Variants in GALNT9 observed in about 807,000 individuals in gnomAD.
The protein encoded by GALNT9 is GalNAc transferase 9.
A neutral mutation model predicts 63.1 loss-of-function variants in GALNT9; 47 were observed. The ratio of observed to expected loss-of-function variants is 0.75; its 90% CI spans 0.59 to 0.95. GALNT9 has a LOEUF of 0.95. Ranked by LOEUF, GALNT9 falls within the 40% of genes least tolerant of loss-of-function variation. The pLI is 0.00. For missense variants in GALNT9, 829 were observed against 874.8 expected (o/e 0.95, Z 0.66); for synonymous variants, 396 against 365.7 (o/e 1.08, Z -0.94).
rs1316947016 is a variant in GALNT9, at chr12:132,315,779, G to A, written c.238+13187C>T. 1.3e-5 allele frequency among the ~76,000 whole-genome samples: 2 copies of A among 152,200 alleles called. No individual in the cohort carries two copies. Among genetic ancestry groups the A allele is most frequent in the African/African-American group, 4.8e-5 (2 of 41,442 alleles). ...CGGCCTTCCACACAGAGCAGAGAGG[G>A]CTGAGCCACCCACTCATACTCCCCA... On this transcript the variant is annotated intron_variant, in intron 1 of 10. Coordinates refer to ENST00000328957, the MANE Select transcript of GALNT9 (RefSeq NM_001122636.2). This position sits in a 1 kb window ranked among gnomAD's most constrained non-coding sequence, Gnocchi z 6.1.
chr12:132,268,570 C>T (rs1256748979), intron 2 of GALNT9, among the ~76,000 whole-genome samples: 1 of 152,204 alleles, frequency 6.6e-6, no homozygotes, highest in Non-Finnish European at 1.5e-5. Context: ...AAATAAAAAA[C>T]CATCTGTTCT....
At position 132,279,345 on chromosome 12, in the gene GALNT9, T is replaced by A. The variant is rs77611298; in HGVS notation, c.419+6905A>T. On this transcript the variant is annotated intron_variant, in intron 2 of 10. Transcript: ENST00000328957. This position sits in a 1 kb window ranked among gnomAD's most constrained non-coding sequence, Gnocchi z 4.1. ...TTTGCTTGCATGGTTGCTGGGACGGTCCAAAGTCCTCAGTGGGGACGGCTG... is the reference window on the plus strand; with the variant it reads ...TTTGCTTGCATGGTTGCTGGGACGGACCAAAGTCCTCAGTGGGGACGGCTG... The A allele has an allele frequency of 0.012, 1,904 of 152,346 alleles. 34 individuals carry two copies. The highest frequency in any genetic ancestry group is 0.097 in the South Asian group (469 of 4,822). 9.4% of individuals were successfully genotyped at this position (152,346 alleles called of 1,614,324 possible).
At position 132,327,005 on chromosome 12, in the gene GALNT9, G is replaced by A. The variant is rs1869064237; in HGVS notation, c.238+1961C>T. Among the ~76,000 whole-genome samples, 1 of 152,184 alleles carries A rather than the reference G, an allele frequency of 6.6e-6. No individual in the cohort carries two copies. The highest frequency in any genetic ancestry group is 2.1e-4 in the South Asian group (1 of 4,816). On this transcript the variant is annotated intron_variant, in intron 1 of 10. Coordinates refer to ENST00000328957, the MANE Select transcript of GALNT9 (RefSeq NM_001122636.2). The surrounding 1 kb of genome is among the most constrained non-coding windows in gnomAD (Gnocchi z 4.3). ...AAAGATTGACTGACTCTTGGGTTTA[G>A]ACACTGTGCCTGGCCTGCTGGTCAC...
chr12:132,293,929 C>A (rs1362338956), intron 1 of GALNT9, among the ~76,000 whole-genome samples: 2 of 152,250 alleles, frequency 1.3e-5, no homozygotes, highest in Non-Finnish European at 2.9e-5. Flanking sequence ...CATCTACAGT[C>A]GGAGCTGGAA....
chr12:132,292,100 G>A (rs1235771768), intron 1 of GALNT9, among the ~76,000 whole-genome samples: 2 of 152,078 alleles, frequency 1.3e-5, no homozygotes, highest in Non-Finnish European at 2.9e-5. Context: ...AGCCATTCCC[G>A]GTGACGGCAC....
chr12:132,306,956 T>G (rs1391746332), intron 1 of GALNT9, among the ~76,000 whole-genome samples: 1 of 152,154 alleles, frequency 6.6e-6, no homozygotes, highest in African/African-American at 2.4e-5. Context: ...GACGGCTGTC[T>G]GGGAGCGTGG....
At chr12:132,302,747 G>C (rs1055112981) in intron 1 of GALNT9, among the ~76,000 whole-genome samples, 8 of 152,370 alleles carry the variant, frequency 5.3e-5, no homozygotes, top group African/African-American at 1.9e-4. Flanking sequence ...AGAAAGGCCA[G>C]GAGGGCAGGA....
chr12:132,250,338 G>A (rs1193632795), intron 5 of GALNT9, among the ~76,000 whole-genome samples: 3 of 152,206 alleles, frequency 2.0e-5, no homozygotes, highest in Non-Finnish European at 2.9e-5. Flanking sequence ...CGGGGAGGGA[G>A]GACAATGCTT....
intron 6 of GALNT9, among the ~76,000 whole-genome samples, chr12:132,233,471 C>T (rs1449054635): frequency 3.5e-5 from 2 of 56,388 alleles, no homozygotes; most frequent in Admixed American, 1.7e-4. Flanking sequence ...GCCACACACT[C>T]GATGGCGTGA....
In GALNT9 at chr12:132,201,395, A is replaced by AGGTCCCATCC. The variant is rs1555233496; in HGVS notation, c.1264-135_1264-134insGGATGGGACC. The AGGTCCCATCC allele has an allele frequency of 4.9e-6, 3 of 609,112 alleles. No individual in the cohort carries two copies. The African/African-American group carries it at 5.6e-5, about 11-fold the overall frequency. 37.7% of individuals were successfully genotyped at this position (609,112 alleles called of 1,614,324 possible). ...CCTCCCCCCCAGTATTCAGATGCTG[A>AGGTCCCATCC]GGCCCCATCCAGTTGGGACCCCCCA... On this transcript the variant is annotated intron_variant, in intron 7 of 10. Transcript: ENST00000328957.
At chr12:132,263,704 G>A (rs901892278) in intron 2 of GALNT9, among the ~76,000 whole-genome samples, 2 of 152,220 alleles carry the variant, frequency 1.3e-5, no homozygotes, top group Admixed American at 6.5e-5. Context: ...AACCCAGGCT[G>A]TGCCCGGCAC....
Position 132,327,938 on chromosome 12 carries a change from G to A in GALNT9, c.238+1028C>T, listed in dbSNP as rs546672177. 3.3e-5 allele frequency among the ~76,000 whole-genome samples: 5 copies of A among 151,620 alleles called. No individual in the cohort carries two copies. Among genetic ancestry groups the A allele is most frequent in the South Asian group, 2.1e-4 (1 of 4,786 alleles). The stretch of plus-strand genomic sequence containing the variant: ...GCACATCCGGAGCCCCCGCCTGCCC[G>A]CGTAACCCCAGCTCCCGTCACCTCC... On this transcript the variant is annotated intron_variant, in intron 1 of 10. Coordinates refer to ENST00000328957, the MANE Select transcript of GALNT9 (RefSeq NM_001122636.2). The surrounding 1 kb of genome is among the most constrained non-coding windows in gnomAD (Gnocchi z 4.3).
intron 4 of GALNT9, among the ~76,000 whole-genome samples, chr12:132,259,295 C>T (rs550566286): frequency 3.3e-4 from 50 of 152,318 alleles, no homozygotes; most frequent in African/African-American, 1.0e-3. Context: ...CTCCCCCAGA[C>T]GCCCTCAGGC....
chr12:132,250,872 C>T (rs764804158), intron 5 of GALNT9, among the ~76,000 whole-genome samples: 2 of 152,184 alleles, frequency 1.3e-5, no homozygotes, highest in Admixed American at 6.5e-5. Flanking sequence ...TGGGTGGAGT[C>T]GGGACCCACA....
intron 6 of GALNT9, chr12:132,240,381 G>T: frequency 2.8e-6 from 1 of 352,268 alleles, no homozygotes; most frequent in Non-Finnish European, 5.6e-6. Context: ...TGCTGGCCAG[G>T]TGGCTGGTGA....
rs781512680 is a variant in GALNT9 at position 132,197,977 on chromosome 12, G to A, written c.1498-18C>T. The A allele has an allele frequency of 1.1e-5, 17 of 1,593,862 alleles. No individual in the cohort carries two copies. The highest frequency in any genetic ancestry group is 2.7e-5 in the African/African-American group (2 of 74,596). Reference sequence around the variant, plus strand: ...CGCACCAGCTGGGGACAGGACCACCGGGACTGTGTGTGAGCAGCGCCCAGG... The same window carrying A: ...CGCACCAGCTGGGGACAGGACCACCAGGACTGTGTGTGAGCAGCGCCCAGG... On this transcript the variant is annotated intron_variant, in intron 9 of 10. Coordinates refer to ENST00000328957, the MANE Select transcript of GALNT9 (RefSeq NM_001122636.2).
chr12:132,240,619 G>C lies in GALNT9; in HGVS notation c.1077+7291C>G, dbSNP rs2136898895. ...GGCTCCGTGCGTGGCCCCGGGGCTC[G>C]GCTGTGCTCTATGGGCCTCGGACCT... On this transcript the variant is annotated intron_variant, in intron 6 of 10. Transcript: ENST00000328957. The C allele has an allele frequency of 8.4e-5, 38 of 454,966 alleles. 1 individual carries two copies. Among genetic ancestry groups the C allele is most frequent in the Admixed American group, 3.8e-4 (16 of 42,424 alleles). 28.2% of individuals were successfully genotyped at this position (454,966 alleles called of 1,614,324 possible).
At chr12:132,267,685 A>G (rs1879653519) in intron 2 of GALNT9, among the ~76,000 whole-genome samples, 2 of 152,184 alleles carry the variant, frequency 1.3e-5, no homozygotes, top group South Asian at 4.2e-4. Context: ...GATGCATTGA[A>G]ATAGATAAAG....
chr12:132,309,285 C>T (rs570072208), intron 1 of GALNT9, among the ~76,000 whole-genome samples: 22 of 152,316 alleles, frequency 1.4e-4, no homozygotes, highest in Admixed American at 9.2e-4. Flanking sequence ...ATGATGGCCC[C>T]GGGACACCCA....
Sources: allele counts gnomAD v4.1 joint callset (sites outside exome capture counted in the v4.1 genomes callset), GRCh38; gene constraint gnomAD v4.1.1; non-coding constraint Gnocchi (gnomAD v3.1); transcripts MANE v1.5; gene names NCBI Gene and HGNC (gene_info 2026-07-23, HGNC 2026-07-21).